COQ5: variants seen among roughly 807,000 people sequenced by gnomAD.
The protein encoded by COQ5 is coenzyme Q5, methyltransferase, also known as 2-methoxy-6-polyprenyl-1,4-benzoquinol methylase, mitochondrial.
COQ5 carries 27 observed loss-of-function variants against 40.5 expected under a neutral mutation model. The observed-to-expected ratio is 0.67, with a 90% CI of 0.49 to 0.92. The LOEUF (loss-of-function observed/expected upper bound fraction) is 0.92. COQ5 is among the 40% of genes least tolerant of loss of function. COQ5 has a pLI of 0.00. For synonymous variants in COQ5, 141 were observed against 150.0 expected, an observed-to-expected ratio of 0.94 and a Z score of 0.44; for missense variants, 409 against 406.4, an observed-to-expected ratio of 1.01 and a Z score of -0.06.
chr12:120,504,619 C>T, intron 5 of COQ5: 1 of 409,990 alleles, frequency 2.4e-6, no homozygotes. Context: ...AACGTTATTG[C>T]CACTAATAAG....
intron 3 of COQ5, 54 bp downstream of exon 3, chr12:120,516,513 T>G: frequency 1.4e-6 from 2 of 1,384,150 alleles, no homozygotes; most frequent in Admixed American, 1.7e-5. Context: ...ATATTCCACC[T>G]TATTCTATAA....
intron 3 of COQ5, among the ~76,000 whole-genome samples, chr12:120,513,442 C>T (rs1245654841): frequency 6.7e-6 from 1 of 148,226 alleles, no homozygotes; most frequent in African/African-American, 2.5e-5. Context: ...GCGGAGCTTG[C>T]AGTGAGCCGA....
intron 3 of COQ5, among the ~76,000 whole-genome samples, chr12:120,514,467 G>A (rs964577823): frequency 1.3e-5 from 2 of 152,052 alleles, no homozygotes; most frequent in Non-Finnish European, 1.5e-5. Context: ...TGGGCTGGGC[G>A]CAGTGGCTCA....
chr12:120,527,988 C>CAAAAAAAAAAAAAAAAAAAA (rs55830211), intron 1 of COQ5, among the ~76,000 whole-genome samples: 1 of 23,032 alleles, frequency 4.3e-5, no homozygotes, highest in African/African-American at 1.4e-4. Context: ...GACTCAGTCT[C>CAAAAAAAAAAAAAAAAAAAA]AAAAAAAAAA....
intron 3 of COQ5, among the ~76,000 whole-genome samples, chr12:120,513,667 G>A (rs997627148): frequency 1.5e-4 from 22 of 151,014 alleles, no homozygotes; most frequent in African/African-American, 4.6e-4. Flanking sequence ...TTACAGGCGC[G>A]CACCACCACG....
At chr12:120,515,431 G>C (rs1309280226) in intron 3 of COQ5, among the ~76,000 whole-genome samples, 1 of 152,198 alleles carries the variant, frequency 6.6e-6, no homozygotes, top group African/African-American at 2.4e-5. Context: ...TCCATTTTGA[G>C]CTTGCAGTAA....
intron 1 of COQ5, chr12:120,523,572 T>C (rs993525447): frequency 5.5e-6 from 1 of 181,772 alleles, no homozygotes; most frequent in African/African-American, 2.4e-5. Flanking sequence ...TTCTGCTGTC[T>C]TAATTATTAT....
intron 3 of COQ5, among the ~76,000 whole-genome samples, chr12:120,513,811 C>T (rs140313086): frequency 2.6e-5 from 4 of 152,174 alleles, no homozygotes; most frequent in South Asian, 2.1e-4. Flanking sequence ...TAAGCTACTG[C>T]GCCCGACCAC....
intron 3 of COQ5, among the ~76,000 whole-genome samples, chr12:120,513,006 G>T (rs186063538): frequency 6.6e-6 from 1 of 150,834 alleles, no homozygotes; most frequent in Admixed American, 6.6e-5. Flanking sequence ...CGCCATGTTG[G>T]CCAGGCTATT....
At chr12:120,519,117 T>C (rs1201670273) in intron 2 of COQ5, among the ~76,000 whole-genome samples, 2 of 152,220 alleles carry the variant, frequency 1.3e-5, no homozygotes, top group African/African-American at 4.8e-5. Flanking sequence ...TAAACAATAT[T>C]TCATAGACTG....
At chr12:120,525,752 A>G (rs1322933967) in intron 1 of COQ5, among the ~76,000 whole-genome samples, 2 of 151,818 alleles carry the variant, frequency 1.3e-5, no homozygotes, top group Non-Finnish European at 2.9e-5. Context: ...GTGAAACTCC[A>G]TCTCTACTAA....
chr12:120,511,484 T>A lies in COQ5; in HGVS notation c.575-1361A>T, dbSNP rs142683339. On this transcript the variant is annotated intron_variant, in intron 3 of 6. Transcript: ENST00000288532. ...ATGTTTCAGGTCAGCAAAGTGAACATCAGAAAGGTTTAAAGTCTGAGCTGA... is the reference window on the plus strand; with the variant it reads ...ATGTTTCAGGTCAGCAAAGTGAACAACAGAAAGGTTTAAAGTCTGAGCTGA... Among the ~76,000 whole-genome samples, 1,030 of 151,990 alleles carry A rather than the reference T, an allele frequency of 6.8e-3. 10 individuals are homozygous for A. The highest frequency in any genetic ancestry group is 0.037 in the Middle Eastern group (11 of 294).
Position 120,517,782 on chromosome 12 carries a change from C to A in COQ5, c.353-994G>T, listed in dbSNP as rs144043649. On this transcript the variant is annotated intron_variant, in intron 2 of 6. Transcript: ENST00000288532. Reference sequence around the variant, plus strand: ...TAGAATCCTATTTCCTTTCTTTTTTCCTCTCTTTTCTATATTTCCTTTTCT... The same window carrying A: ...TAGAATCCTATTTCCTTTCTTTTTTACTCTCTTTTCTATATTTCCTTTTCT... 6.0e-3 allele frequency among the ~76,000 whole-genome samples: 897 copies of A among 149,822 alleles called. 5 individuals are homozygous for A. Among genetic ancestry groups the A allele is most frequent in the Admixed American group, 0.011 (170 of 15,028 alleles).
intron 4 of COQ5, among the ~76,000 whole-genome samples, chr12:120,509,167 G>C (rs975563515): frequency 6.6e-6 from 1 of 152,066 alleles, no homozygotes; most frequent in Non-Finnish European, 1.5e-5. Context: ...CCATGTTACT[G>C]AAATGAAACT....
chr12:120,518,414 C>T (rs1277666233), intron 2 of COQ5, among the ~76,000 whole-genome samples: 1 of 118,752 alleles, frequency 8.4e-6, no homozygotes, highest in Non-Finnish European at 1.7e-5. Context: ...GGCGAAAGTG[C>T]AAGACCGTTT....
intron 3 of COQ5, among the ~76,000 whole-genome samples, chr12:120,514,437 G>A (rs1869284523): frequency 6.6e-6 from 1 of 152,046 alleles, no homozygotes; most frequent in African/African-American, 2.4e-5. Context: ...GAAGAGGGCA[G>A]AATAGCGGCT....
In COQ5 at chr12:120,503,695, C is replaced by T. The variant is rs1190035326; in HGVS notation, c.*89G>A. 4.4e-6 allele frequency: 4 copies of T among 910,982 alleles called. No homozygotes were observed. Among genetic ancestry groups the T allele is most frequent in the Non-Finnish European group, 7.3e-6 (4 of 551,540 alleles). The allele number at this position is 910,982 out of a possible 1,614,324, so 56.4% of individuals were successfully genotyped here. A position where few individuals can be genotyped will look rare whatever the true frequency, so the allele number is the denominator to read the frequency against. ...AGGCACGTATCCTTAAGAGGAGATGCTCTGCTGCTGTCTCATTTGCCAGAT... is the reference window on the plus strand; with the variant it reads ...AGGCACGTATCCTTAAGAGGAGATGTTCTGCTGCTGTCTCATTTGCCAGAT... On this transcript the variant is annotated 3_prime_UTR_variant, in exon 7 of 7. Transcript: ENST00000288532.
intron 4 of COQ5, among the ~76,000 whole-genome samples, chr12:120,505,936 A>T (rs1868865089): frequency 6.6e-6 from 1 of 151,294 alleles, no homozygotes; most frequent in African/African-American, 2.4e-5. Context: ...GCTCACTGCA[A>T]CCTCCACCTC....
intron 2 of COQ5, among the ~76,000 whole-genome samples, 171 bp from the exon 3 acceptor site, chr12:120,516,959 G>A (rs1488550798): frequency 6.6e-6 from 1 of 152,220 alleles, no homozygotes; most frequent in East Asian, 1.9e-4. Context: ...TTAGAGACAG[G>A]GACTCACTCC....
Sources: gnomAD v4.1 joint callset for allele counts (sites outside exome capture counted in the v4.1 genomes callset) on GRCh38, gnomAD v4.1.1 for gene constraint, MANE v1.5 for transcripts, NCBI Gene and HGNC (gene_info 2026-07-23, HGNC 2026-07-21) for gene names.